USP24: variants seen among roughly 807,000 people sequenced by gnomAD.
USP24 encodes the protein ubiquitin carboxyl-terminal hydrolase 24.
USP24 carries 97 observed loss-of-function variants against 361.6 expected under a neutral mutation model. The observed-to-expected ratio is 0.27, with a 90% confidence interval of 0.23 to 0.32. USP24 has a LOEUF of 0.32. Among genes scored for constraint, USP24 ranks in the 10% least tolerant of loss-of-function variants. The pLI, the probability that USP24 is intolerant of heterozygous loss-of-function variation, is 1.00. For synonymous variants in USP24, 1,098 were observed against 1,124.6 expected, an observed-to-expected ratio of 0.98 and a Z score of 0.47; for missense variants, 2,353 against 3,165.6, an observed-to-expected ratio of 0.74 and a Z score of 6.16.
At chr1:55,148,045 A>G (rs1225721419) in intron 17 of USP24, among the ~76,000 whole-genome samples, 2 of 152,148 alleles carry the variant, frequency 1.3e-5, no homozygotes, top group East Asian at 3.8e-4. Context: ...TAAAAAGCCT[A>G]TAAAAATAAC....
chr1:55,145,294 G>A (rs1468839782), intron 20 of USP24, among the ~76,000 whole-genome samples: 2 of 152,090 alleles, frequency 1.3e-5, no homozygotes, highest in East Asian at 3.8e-4. Context: ...ATAAAATATG[G>A]TATACCCACA....
At chr1:55,121,339 G>T in intron 37 of USP24, 97 bp downstream of exon 37, 1 of 1,114,754 alleles carries the variant, frequency 9.0e-7, no homozygotes, top group Non-Finnish European at 1.3e-6. Flanking sequence ...AGCACTCAAT[G>T]CCACTCCTGT....
chr1:55,139,764 C>T (rs912617809), intron 24 of USP24, among the ~76,000 whole-genome samples: 3 of 152,082 alleles, frequency 2.0e-5, no homozygotes, highest in African/African-American at 7.2e-5. Context: ...ATTAGCAGTA[C>T]CAAAAATTTC....
intron 31 of USP24, among the ~76,000 whole-genome samples, chr1:55,130,581 T>C (rs1322352798): frequency 6.6e-6 from 1 of 152,230 alleles, no homozygotes; most frequent in Admixed American, 6.5e-5. Context: ...TTGTTAAAGA[T>C]GCCTTCTTCC....
chr1:55,127,449 T>G (rs1332673234), intron 32 of USP24, among the ~76,000 whole-genome samples: 1 of 152,254 alleles, frequency 6.6e-6, no homozygotes, highest in Non-Finnish European at 1.5e-5. Flanking sequence ...TGCCACATTT[T>G]CTTAATCCAG....
intron 9 of USP24, among the ~76,000 whole-genome samples, chr1:55,159,341 T>C (rs1011704994): frequency 2.0e-5 from 3 of 152,222 alleles, no homozygotes; most frequent in Admixed American, 6.5e-5. Flanking sequence ...ACTTTCTCTA[T>C]GCCAATTGTG....
intron 7 of USP24, among the ~76,000 whole-genome samples, chr1:55,165,419 T>C (rs1014203369): frequency 1.3e-5 from 2 of 152,086 alleles, no homozygotes; most frequent in African/African-American, 4.8e-5. Context: ...CACCTGATGA[T>C]TCTAAGCTCC....
At chr1:55,085,283 G>T (rs1231706640) in intron 56 of USP24, among the ~76,000 whole-genome samples, 1 of 152,188 alleles carries the variant, frequency 6.6e-6, no homozygotes, top group Non-Finnish European at 1.5e-5. Context: ...CTCCTTAAAG[G>T]ACTTGCTCAA....
At chr1:55,091,243 T>C (rs513055) in intron 54 of USP24, among the ~76,000 whole-genome samples, 131,424 of 152,150 alleles carry the variant, frequency 0.86, 56,862 homozygotes, top group East Asian at 1. Flanking sequence ...GGTGTGCCAG[T>C]GAGCATTACA....
chr1:55,126,609 T>C (rs1646436855), intron 32 of USP24, among the ~76,000 whole-genome samples: 1 of 152,198 alleles, frequency 6.6e-6, no homozygotes, highest in African/African-American at 2.4e-5. Flanking sequence ...TCAATGTCTT[T>C]ATTTTGACAG....
At chr1:55,211,135 A>G (rs777178120) in intron 1 of USP24, among the ~76,000 whole-genome samples, 3 of 152,222 alleles carry the variant, frequency 2.0e-5, no homozygotes, top group Non-Finnish European at 4.4e-5. Flanking sequence ...AACAGAACCA[A>G]TTGGTACGCA....
chr1:55,199,779 A>G (rs1217387072), intron 1 of USP24, among the ~76,000 whole-genome samples: 1 of 152,182 alleles, frequency 6.6e-6, no homozygotes, highest in Non-Finnish European at 1.5e-5. Context: ...TGGAAAAAAT[A>G]TATCTAGTAT....
Position 55,077,261 on chromosome 1 carries a change from T to C in USP24, c.7354A>G (p.Thr2452Ala). 3 of 1,566,202 alleles carry C rather than the reference T, an allele frequency of 1.9e-6. No individual in the cohort carries two copies. Among genetic ancestry groups the C allele is most frequent in the Non-Finnish European group, 2.6e-6 (3 of 1,151,518 alleles). ...ETAPPHELKN[T>A]FQLLHEILVI... ...AATATTTCATGAAGTAGTTGGAACG[T>C]ATTCTTTAACTCATGAGGTGGAGCC... Residue 2452 changes from threonine to alanine, a missense_variant, in exon 62 of 68, where the codon ACG (threonine) becomes GCG (alanine). Thr to Ala is a moderately conservative substitution (Grantham distance 58). Transcript: ENST00000294383.
intron 7 of USP24, among the ~76,000 whole-genome samples, chr1:55,162,870 A>T (rs1648435725): frequency 6.6e-6 from 1 of 152,164 alleles, no homozygotes; most frequent in Non-Finnish European, 1.5e-5. Context: ...GAAAAGAATG[A>T]TACTGGGCAG....
chr1:55,172,502 C>T lies in USP24; in HGVS notation c.577G>A (p.Val193Ile). The T allele has an allele frequency of 6.2e-7, 1 of 1,612,734 alleles. No homozygotes were observed. Among genetic ancestry groups the T allele is most frequent in the Non-Finnish European group, 8.5e-7 (1 of 1,179,334 alleles). ...AFKKLLTSSA[V>I]HKWGTEIHEG... ...TGAATTTCAGTACCCCACTTGTGAA[C>T]AGCACTTGATGTCAGGAGCTATAAA... Residue 193 changes from valine (V) to isoleucine (I), a missense_variant, in exon 4 of 68, where the codon GTT becomes ATT. By Grantham distance (29) the Val-to-Ile change is conservative. This residue lies in a region of USP24 where 386 missense variants were observed against 560.5 expected (regional missense o/e 0.69). Transcript: ENST00000294383.
intron 1 of USP24, among the ~76,000 whole-genome samples, chr1:55,181,461 T>C (rs926108265): frequency 2.6e-5 from 4 of 152,214 alleles, no homozygotes; most frequent in African/African-American, 9.6e-5. Context: ...AGTAAGCCAA[T>C]TTCACTTAAA....
At chr1:55,158,242 C>T (rs935772742) in intron 10 of USP24, among the ~76,000 whole-genome samples, 1 of 152,164 alleles carries the variant, frequency 6.6e-6, no homozygotes, top group African/African-American at 2.4e-5. Flanking sequence ...GCTAGTAAAC[C>T]TTTCATTCAT....
Position 55,125,716 on chromosome 1 carries a change from T to C in USP24, c.3678A>G (p.Glu1226=). 6.3e-7 allele frequency: 1 copy of C among 1,596,206 alleles called. No individual in the cohort carries two copies. The highest frequency in any genetic ancestry group is 8.5e-7 in the Non-Finnish European group (1 of 1,170,518). ...NVMQRDSIPS[E]VDYETRQGVY... is the part of the protein sequence containing the mutation. ...CACCCTGCCTTGTTTCATAGTCTAC[T>C]TCTGATGGGATGGAGTCTCTCTGCA... is the stretch of plus-strand genomic sequence containing the variant. The change falls in exon 33 of 68, where the codon GAA becomes GAG. Residue 1226 remains glutamate, a synonymous_variant. Transcript: ENST00000294383.
intron 67 of USP24, 86 bp from the exon 68 acceptor site, chr1:55,069,193 C>A: frequency 3.0e-6 from 4 of 1,321,694 alleles, no homozygotes; most frequent in Non-Finnish European, 4.3e-6. Flanking sequence ...TTAAACATGT[C>A]TTCATCTGGC....
Sources: gnomAD v4.1 joint callset for allele counts (sites outside exome capture counted in the v4.1 genomes callset) on GRCh38, gnomAD v4.1.1 for gene constraint, gnomAD v4.1.1 regional missense constraint, MANE v1.5 for transcripts, NCBI Gene and HGNC (gene_info 2026-07-23, HGNC 2026-07-21) for gene names.